Variants in LATS2 observed in about 807,000 individuals in gnomAD.
The protein encoded by LATS2 is large tumor suppressor kinase 2, also known as serine/threonine-protein kinase LATS2.
A neutral mutation model predicts 76.0 loss-of-function variants in LATS2; 24 were observed. That is an observed-to-expected ratio of 0.32 (90% confidence interval 0.23 to 0.44). The LOEUF is 0.44. Among genes scored for constraint, LATS2 ranks in the 20% least tolerant of loss-of-function variants. LATS2 has a pLI of 1.00. For synonymous variants in LATS2, 692 were observed against 635.4 expected (o/e 1.09, Z -1.34); for missense variants, 1,286 against 1,481.2 (o/e 0.87, Z 2.16).
intron 2 of LATS2, among the ~76,000 whole-genome samples, chr13:21,007,700 G>GTATATATA (rs1185329581): frequency 5.9e-4 from 1 of 1,700 alleles, no homozygotes; most frequent in Non-Finnish European, 8.7e-4. Flanking sequence ...TATATATATA[G>GTATATATA]TATGTATATA....
intron 1 of LATS2, among the ~76,000 whole-genome samples, chr13:21,050,944 G>T (rs150809660): frequency 3.3e-5 from 5 of 152,260 alleles, no homozygotes; most frequent in East Asian, 3.8e-4. Flanking sequence ...GCCACGTGAG[G>T]GGGGGCAGGA....
At chr13:21,028,682 T>C (rs11839801) in intron 2 of LATS2, among the ~76,000 whole-genome samples, 3,463 of 152,296 alleles carry the variant, frequency 0.023, 157 homozygotes, top group African/African-American at 0.079. Context: ...GCAATTCTCC[T>C]GCCTCAACCT....
rs778932047 is a variant in LATS2, at chr13:20,988,664, A to G, written c.1116T>C (p.Ala372=). 6 of 1,576,796 alleles carry G rather than the reference A, an allele frequency of 3.8e-6. No homozygotes were observed. In the South Asian group the frequency reaches 6.9e-5, roughly 18 times the overall value. The change falls in exon 4 of 8, where the codon GCT becomes GCC. Residue 372 remains alanine (A), a synonymous_variant. Transcript: ENST00000382592. The stretch of plus-strand genomic sequence containing the variant: ...GGGAGTCCCGGCGGGCCAGGGTGGC[A>G]GCCGGCCACTGCTGGACGGAGGTGC... ...LGSTSVQQWP[A]ATLARRDSLQ... is the part of the protein sequence containing the mutation.
chr13:21,003,722 G>A (rs1408482669), intron 2 of LATS2, among the ~76,000 whole-genome samples: 3 of 151,738 alleles, frequency 2.0e-5, no homozygotes, highest in Non-Finnish European at 4.4e-5. Flanking sequence ...GATTACATGC[G>A]AGAGCCACCA....
intron 2 of LATS2, among the ~76,000 whole-genome samples, chr13:21,018,373 A>T (rs773054368): frequency 1.4e-5 from 2 of 143,722 alleles, no homozygotes; most frequent in Non-Finnish European, 3.0e-5. Context: ...TCCATCTGGC[A>T]AGATGAGGAG....
At chr13:20,979,909 A>C (rs1290723057) in intron 6 of LATS2, 112 bp from the exon 7 acceptor site, 2 of 628,410 alleles carry the variant, frequency 3.2e-6, no homozygotes, top group East Asian at 5.8e-5. Context: ...AGCGCGTTGA[A>C]GCATCGCACT....
intron 2 of LATS2, among the ~76,000 whole-genome samples, chr13:20,996,225 A>C (rs1394345747): frequency 6.6e-6 from 1 of 152,002 alleles, no homozygotes; most frequent in Non-Finnish European, 1.5e-5. Context: ...GAGTAAGATG[A>C]CTCAACATGT....
chr13:21,053,503 G>A lies in LATS2; in HGVS notation c.-204-7273C>T, dbSNP rs140620748. ...CCCAGGCATGTGCACACAGGCCCAC[G>A]CAACATCTGTTGAAAGACACAGGTA... On this transcript the variant is annotated intron_variant, in intron 1 of 7. Transcript: ENST00000382592. Among the ~76,000 whole-genome samples the A allele has an allele frequency of 1.9e-3, 285 of 152,164 alleles. 2 individuals are homozygous for A. The highest frequency in any genetic ancestry group is 6.5e-3 in the African/African-American group (269 of 41,510).
At position 20,973,697 on chromosome 13, in the gene LATS2, A is replaced by G. The variant is rs1274411812; in HGVS notation, c.*1173T>C. On this transcript the variant is annotated 3_prime_UTR_variant, in exon 8 of 8. Coordinates refer to ENST00000382592, the MANE Select transcript of LATS2 (RefSeq NM_014572.3). ...TCAAAGTACACTAAAAGAACAAAAA[A>G]AAAGTGAGAGAACCATTAGATCACT... 4.3e-6 allele frequency: 1 copy of G among 230,744 alleles called. No individual in the cohort carries two copies. The highest frequency in any genetic ancestry group is 8.6e-6 in the Non-Finnish European group (1 of 116,340). 14.3% of individuals were successfully genotyped at this position (230,744 alleles called of 1,614,324 possible). A position where few individuals can be genotyped will look rare whatever the true frequency, so the allele number is the denominator to read the frequency against.
intron 2 of LATS2, among the ~76,000 whole-genome samples, chr13:21,043,965 C>T (rs58599354): frequency 0.024 from 3,692 of 152,298 alleles, 132 homozygotes; most frequent in African/African-American, 0.084. Context: ...AGGACTGCTC[C>T]TTCCCTACTT....
rs74036493 is a variant in LATS2, at chr13:20,973,534, G to A, written c.*1336C>T. The A allele has an allele frequency of 4.7e-6, 1 of 211,554 alleles. No homozygotes were observed. Among genetic ancestry groups the A allele is most frequent in the Admixed American group, 6.2e-5 (1 of 16,184 alleles). The allele number at this position is 211,554 out of a possible 1,614,324, so 13.1% of individuals were successfully genotyped here. On this transcript the variant is annotated 3_prime_UTR_variant, in exon 8 of 8. Transcript: ENST00000382592. ...TATCTCTGTGTGTGTGTGTGTGTGT[G>A]TATACACGCACATACATCTATACTT... is the stretch of plus-strand genomic sequence containing the variant.
intron 2 of LATS2, among the ~76,000 whole-genome samples, chr13:21,032,135 G>T (rs557306332): frequency 2.6e-5 from 4 of 152,154 alleles, no homozygotes; most frequent in African/African-American, 9.7e-5. Context: ...AAACAATACT[G>T]TTGATAATAC....
At position 21,010,824 on chromosome 13, in the gene LATS2, T is replaced by C. The variant is rs143027949; in HGVS notation, c.343-19420A>G. Among the ~76,000 whole-genome samples the C allele has an allele frequency of 3.7e-3, 567 of 152,374 alleles. 6 individuals are homozygous for C. The highest frequency in any genetic ancestry group is 0.013 in the African/African-American group (520 of 41,580). ...TGAACCAATCATAAGGTCTGACTTATGTTGACCAATCAGAGCTCAGCAAAC... is the reference window on the plus strand; with the variant it reads ...TGAACCAATCATAAGGTCTGACTTACGTTGACCAATCAGAGCTCAGCAAAC... On this transcript the variant is annotated intron_variant, in intron 2 of 7. Coordinates refer to ENST00000382592, the MANE Select transcript of LATS2 (RefSeq NM_014572.3).
intron 5 of LATS2, among the ~76,000 whole-genome samples, chr13:20,982,215 C>T (rs574059136): frequency 6.6e-6 from 1 of 152,324 alleles, no homozygotes; most frequent in Middle Eastern, 3.4e-3. Flanking sequence ...TTGGCTTTTC[C>T]AAATGGCAGA....
intron 7 of LATS2, among the ~76,000 whole-genome samples, chr13:20,978,069 C>G (rs1869706702): frequency 6.6e-6 from 1 of 152,066 alleles, no homozygotes; most frequent in Admixed American, 6.6e-5. Flanking sequence ...GCGCCCGCCC[C>G]CATGCCAGGC....
chr13:21,010,727 G>T (rs149021951), intron 2 of LATS2, among the ~76,000 whole-genome samples: 458 of 152,242 alleles, frequency 3.0e-3, no homozygotes, highest in Middle Eastern at 0.014. Flanking sequence ...CATGTACTTT[G>T]AATTCCTGGA....
At chr13:21,032,022 G>A (rs75772733) in intron 2 of LATS2, among the ~76,000 whole-genome samples, 5,105 of 152,192 alleles carry the variant, frequency 0.034, 95 homozygotes, top group East Asian at 0.06. Flanking sequence ...TAAATGTGCT[G>A]TCTGGTAAAG....
chr13:21,045,002 C>T (rs1279376251), intron 2 of LATS2, among the ~76,000 whole-genome samples: 1 of 152,160 alleles, frequency 6.6e-6, no homozygotes, highest in Non-Finnish European at 1.5e-5. Context: ...GCTGGGATTA[C>T]AGGCATGAGC....
intron 1 of LATS2, among the ~76,000 whole-genome samples, 167 bp downstream of exon 1, chr13:21,061,179 G>T (rs1310692781): frequency 6.6e-6 from 1 of 151,338 alleles, no homozygotes; most frequent in Non-Finnish European, 1.5e-5. Flanking sequence ...CGTGGGGGCA[G>T]GGCGCAGGGC....
Sources: gnomAD v4.1 joint callset for allele counts (sites outside exome capture counted in the v4.1 genomes callset) on GRCh38, gnomAD v4.1.1 for gene constraint, MANE v1.5 for transcripts, NCBI Gene and HGNC (gene_info 2026-07-23, HGNC 2026-07-21) for gene names.